The following USP42 variants were observed in gnomAD, a reference collection of about 807,000 sequenced individuals.
USP42 encodes ubiquitin carboxyl-terminal hydrolase 42.
In USP42, 23 loss-of-function variants were observed where a neutral mutation model predicts 113.0. The ratio of observed to expected loss-of-function variants is 0.20; its 90% CI spans 0.15 to 0.29. The LOEUF is 0.29. Ranked by LOEUF, USP42 falls within the 10% of genes least tolerant of loss-of-function variation. USP42 has a pLI of 1.00. For missense variants in USP42, 2,174 were observed against 1,779.8 expected (o/e 1.22, Z -3.99); for synonymous variants, 933 against 699.0 (o/e 1.33, Z -5.28).
chr7:6,150,062 G>A lies in USP42; in HGVS notation c.1866G>A (p.Leu622=), dbSNP rs1352526214. The A allele has an allele frequency of 6.2e-7, 1 of 1,609,300 alleles. No homozygotes were observed. Among genetic ancestry groups the A allele is most frequent in the South Asian group, 1.1e-5 (1 of 90,452 alleles). The change falls in exon 13 of 18, where the codon CTG becomes CTA. Residue 622 remains leucine, a synonymous_variant. Transcript: ENST00000306177. ...ACTCTGACGAGGAGTCAAAGGGGCT[G>A]GGCAAGGAGAATGGGATTGGTACGA... The part of the protein sequence containing the change: ...SEDSDEESKG[L]GKENGIGTIV...
chr7:6,107,412 T>TC (rs1779351686), intron 1 of USP42, among the ~76,000 whole-genome samples: 2 of 149,210 alleles, frequency 1.3e-5, no homozygotes, highest in African/African-American at 2.4e-5. Flanking sequence ...TCCTTTTCTT[T>TC]TTTTTTTTTT....
At chr7:6,111,578 A>G (rs550943572) in intron 2 of USP42, among the ~76,000 whole-genome samples, 5 of 151,830 alleles carry the variant, frequency 3.3e-5, no homozygotes, top group Non-Finnish European at 7.4e-5. Flanking sequence ...TAGTTGCTAG[A>G]ATATTATTAG....
chr7:6,159,895 G>A lies in USP42; in HGVS notation c.*36+402G>A, dbSNP rs534385981. ...AGAGCGGAGCCTTGCTCCCTCGTCC[G>A]TCCCGTCCCCTGTGCTGCTGTCTGC... On this transcript the variant is annotated intron_variant, in intron 17 of 17. Transcript: ENST00000306177. This position sits in a 1 kb window ranked among gnomAD's most constrained non-coding sequence, Gnocchi z 4.1. 2.0e-4 allele frequency among the ~76,000 whole-genome samples: 31 copies of A among 152,312 alleles called. No homozygotes were observed. Among genetic ancestry groups the A allele is most frequent in the African/African-American group, 5.1e-4 (21 of 41,576 alleles).
chr7:6,090,387 A>G, the USP42 span, among the ~76,000 whole-genome samples: 1 of 137,920 alleles, frequency 7.3e-6, no homozygotes, highest in South Asian at 2.1e-4. Context: ...TATATATTAT[A>G]TAGGTTTATA....
chr7:6,156,701 C>G, intron 15 of USP42, 53 bp from the exon 16 acceptor site: 1 of 1,482,704 alleles, frequency 6.7e-7, no homozygotes. Flanking sequence ...CCAGGGTCTG[C>G]TGCTGGTGGT....
intron 3 of USP42, among the ~76,000 whole-genome samples, chr7:6,121,536 A>G (rs1356605199): frequency 6.6e-6 from 1 of 151,778 alleles, no homozygotes; most frequent in Non-Finnish European, 1.5e-5. Context: ...TTTTCTTCGC[A>G]TCTGTTTCCT....
intron 3 of USP42, among the ~76,000 whole-genome samples, chr7:6,134,767 G>C (rs1583635134): frequency 6.6e-6 from 1 of 152,134 alleles, no homozygotes; most frequent in African/African-American, 2.4e-5. Context: ...TTTACACAGA[G>C]ATTATTTTCT....
Position 6,159,806 on chromosome 7 carries a change from C to T in USP42, c.*36+313C>T, listed in dbSNP as rs551636315. Among the ~76,000 whole-genome samples the T allele has an allele frequency of 3.3e-5, 5 of 152,364 alleles. No individual in the cohort carries two copies. The highest frequency in any genetic ancestry group is 7.2e-5 in the African/African-American group (3 of 41,586). On this transcript the variant is annotated intron_variant, in intron 17 of 17. Coordinates refer to ENST00000306177, the MANE Select transcript of USP42 (RefSeq NM_032172.3). The surrounding 1 kb of genome is among the most constrained non-coding windows in gnomAD (Gnocchi z 4.1). ...ACCCGGCTCACAGCGGCAGAGCCCA[C>T]GGGCCTTTGATAAACATCTGGGAAG...
Position 6,153,849 on chromosome 7 carries a change from G to T in USP42, c.2295G>T (p.Ala765=), listed in dbSNP as rs1364520290. 3 of 1,547,282 alleles carry T rather than the reference G, an allele frequency of 1.9e-6. No homozygotes were observed. Among genetic ancestry groups the T allele is most frequent in the Non-Finnish European group, 2.6e-6 (3 of 1,146,482 alleles). The change falls in exon 15 of 18, where the codon GCG becomes GCT. Residue 765 remains alanine, a synonymous_variant. Coordinates refer to ENST00000306177, the MANE Select transcript of USP42 (RefSeq NM_032172.3). The part of the protein sequence containing the change: ...PAAESLEEPD[A]AAGLSSTKKA... ...CCGAATCCCTGGAGGAGCCAGATGC[G>T]GCCGCCGGCCTCAGCAGCACCAAGA...
rs781039106 is a variant in USP42 at position 6,111,196 on chromosome 7, C to T, written c.63C>T (p.Gly21=). The T allele has an allele frequency of 3.1e-6, 5 of 1,612,050 alleles. No individual in the cohort carries two copies. The highest frequency in any genetic ancestry group is 4.2e-6 in the Non-Finnish European group (5 of 1,179,018). Residue 21 remains glycine, a synonymous_variant, in exon 2 of 18, where the codon GGC becomes GGT. Transcript: ENST00000306177. ...CATCAGCCTATCAGAATCAGCCTGG[C>T]AGCTCCGAGGCAGTCTCACCTGGAG... ...SDPSAYQNQP[G]SSEAVSPGDM...
intron 12 of USP42, 95 bp downstream of exon 12, chr7:6,147,987 A>G (rs1781819573): frequency 1.6e-6 from 2 of 1,240,610 alleles, no homozygotes; most frequent in African/African-American, 1.5e-5. Context: ...TGTGTCCTCA[A>G]ATACATCTGA....
chr7:6,116,990 C>G (rs1779946555), intron 3 of USP42: 2 of 416,576 alleles, frequency 4.8e-6, no homozygotes, highest in Non-Finnish European at 9.5e-6. Context: ...TCCTCCCTCC[C>G]TCCCTTCCTC....
At position 6,159,035 on chromosome 7, in the gene USP42, C is replaced by G. The variant is rs4724777; in HGVS notation, c.3944-415C>G. Among the ~76,000 whole-genome samples the G allele has an allele frequency of 2.0e-5, 3 of 152,154 alleles. No homozygotes were observed. The highest frequency in any genetic ancestry group is 2.9e-5 in the Non-Finnish European group (2 of 68,026). The stretch of plus-strand genomic sequence containing the variant: ...CTTCTGCTGCGAGCAGACTGAGGAG[C>G]CTTTCTTGTCCTTCTGAGAAGGCCG... On this transcript the variant is annotated intron_variant, in intron 16 of 17. Coordinates refer to ENST00000306177, the MANE Select transcript of USP42 (RefSeq NM_032172.3). The surrounding 1 kb of genome is among the most constrained non-coding windows in gnomAD (Gnocchi z 4.1).
At chr7:6,099,400 C>T in the USP42 span, among the ~76,000 whole-genome samples, 20 of 145,918 alleles carry the variant, frequency 1.4e-4, 2 homozygotes, top group Admixed American at 1.0e-3. Flanking sequence ...ATTTTTAGTA[C>T]AGATGGGGTT....
chr7:6,138,007 A>G (rs754714649), intron 4 of USP42, among the ~76,000 whole-genome samples: 2 of 152,210 alleles, frequency 1.3e-5, no homozygotes, highest in Non-Finnish European at 2.9e-5. Flanking sequence ...ACATATTTAT[A>G]TAGCAGACAT....
chr7:6,083,579 T>TACATATATATACACAC, the USP42 span, among the ~76,000 whole-genome samples: 1 of 150,428 alleles, frequency 6.6e-6, no homozygotes, highest in Non-Finnish European at 1.5e-5. Context: ...TATGTATGTA[T>TACATATATATACACAC]ACATATATAT....
rs1054181955 is a variant in USP42 at position 6,157,342 on chromosome 7, T to C, written c.3943+287T>C. 2.4e-5 allele frequency: 26 copies of C among 1,086,468 alleles called. No homozygotes were observed. Among genetic ancestry groups the C allele is most frequent in the Non-Finnish European group, 2.6e-5 (23 of 895,786 alleles). 67.3% of individuals were successfully genotyped at this position (1,086,468 alleles called of 1,614,324 possible). A position where few individuals can be genotyped will look rare whatever the true frequency, so the allele number is the denominator to read the frequency against. The stretch of plus-strand genomic sequence containing the variant: ...AACGTACAGCTCTAGGCATCTGACT[T>C]TGCCTTGCAAAGGACCAGAACTCTT... On this transcript the variant is annotated intron_variant, in intron 16 of 17. Transcript: ENST00000306177. The surrounding 1 kb of genome is among the most constrained non-coding windows in gnomAD (Gnocchi z 4.1).
At chr7:6,097,875 C>A in the USP42 span, among the ~76,000 whole-genome samples, 8 of 148,012 alleles carry the variant, frequency 5.4e-5, no homozygotes, top group Admixed American at 1.3e-4. Flanking sequence ...CAGGCGTGAG[C>A]CACCGCGCCC....
At chr7:6,143,128 T>A in intron 8 of USP42, 114 bp downstream of exon 8, 2 of 1,028,298 alleles carry the variant, frequency 1.9e-6, no homozygotes, top group Non-Finnish European at 3.0e-6. Flanking sequence ...TGATACCCTC[T>A]GGGAAGACAC....
Sources: allele counts gnomAD v4.1 joint callset (sites outside exome capture counted in the v4.1 genomes callset), GRCh38; gene constraint gnomAD v4.1.1; non-coding constraint Gnocchi (gnomAD v3.1); transcripts MANE v1.5; gene names NCBI Gene and HGNC (gene_info 2026-07-23, HGNC 2026-07-21).